TMEM45A: variants seen among roughly 807,000 people sequenced by gnomAD.
The protein encoded by TMEM45A is DNA polymerase-transactivated protein 4.
Under a neutral mutation model 32.0 loss-of-function variants are expected in TMEM45A, and 25 were observed. The observed-to-expected ratio is 0.78, with a 90% confidence interval of 0.57 to 1.09. The LOEUF (loss-of-function observed/expected upper bound fraction) is 1.09. TMEM45A is among the 50% of genes least tolerant of loss of function. The pLI is 0.00. For missense variants in TMEM45A, 302 were observed against 325.0 expected (o/e 0.93, Z 0.54); for synonymous variants, 122 against 114.8 (o/e 1.06, Z -0.40).
At chr3:100,575,118 A>C (rs1706655321) in intron 5 of TMEM45A, among the ~76,000 whole-genome samples, 1 of 152,174 alleles carries the variant, frequency 6.6e-6, no homozygotes, top group Non-Finnish European at 1.5e-5. Flanking sequence ...GATATTGGTG[A>C]TTTGGCTTAT....
chr3:100,564,474 G>T (rs972224304), intron 4 of TMEM45A, among the ~76,000 whole-genome samples: 8 of 142,904 alleles, frequency 5.6e-5, no homozygotes, highest in Middle Eastern at 3.6e-3. Context: ...TATTATTATT[G>T]TTTTTTTTTT....
At chr3:100,503,271 A>C (rs1371242624) in intron 1 of TMEM45A, among the ~76,000 whole-genome samples, 1 of 151,932 alleles carries the variant, frequency 6.6e-6, no homozygotes, top group Admixed American at 6.6e-5. Context: ...ACACCCAGCT[A>C]ATTTTTGTAT....
intron 1 of TMEM45A, among the ~76,000 whole-genome samples, chr3:100,552,686 G>A (rs1354719047): frequency 1.3e-5 from 2 of 152,186 alleles, no homozygotes; most frequent in Admixed American, 6.5e-5. Context: ...GGGGTATTTT[G>A]AGTGTGAGTG....
At chr3:100,568,722 T>G in intron 4 of TMEM45A, 100 bp from the exon 5 acceptor site, 1 of 1,100,636 alleles carries the variant, frequency 9.1e-7, no homozygotes, top group Non-Finnish European at 1.3e-6. Flanking sequence ...ATAATTGGAG[T>G]TAACTTAGTT....
chr3:100,523,712 T>TTTCTCCTCC (rs980374533), intron 1 of TMEM45A, among the ~76,000 whole-genome samples: 2 of 146,578 alleles, frequency 1.4e-5, no homozygotes, highest in African/African-American at 5.2e-5. Flanking sequence ...CTCCTCCTCC[T>TTTCTCCTCC]TTCTCCTCCT....
At chr3:100,566,146 T>C (rs1706431832) in intron 4 of TMEM45A, among the ~76,000 whole-genome samples, 2 of 148,072 alleles carry the variant, frequency 1.4e-5, no homozygotes, top group South Asian at 4.2e-4. Flanking sequence ...ATGAGTATAC[T>C]GCATTTTGCT....
At chr3:100,572,692 T>C (rs1402244412) in intron 5 of TMEM45A, 1 of 152,094 alleles carries the variant, frequency 6.6e-6, no homozygotes, top group Non-Finnish European at 1.5e-5. Context: ...ATGTCCTGAA[T>C]GGTATTGCCT....
At chr3:100,551,407 G>A (rs1397777771) in intron 1 of TMEM45A, among the ~76,000 whole-genome samples, 1 of 152,132 alleles carries the variant, frequency 6.6e-6, no homozygotes, top group Non-Finnish European at 1.5e-5. Context: ...TTTTCCCTGG[G>A]GTTGCTGCTG....
At chr3:100,572,872 G>A (rs1169735755) in intron 5 of TMEM45A, 1 of 148,970 alleles carries the variant, frequency 6.7e-6, no homozygotes, top group East Asian at 2.0e-4. Flanking sequence ...TTTCCCCATT[G>A]CTTGTTTTTC....
At chr3:100,539,388 A>G (rs1481881633) in intron 1 of TMEM45A, among the ~76,000 whole-genome samples, 1 of 148,500 alleles carries the variant, frequency 6.7e-6, no homozygotes, top group East Asian at 1.9e-4. Context: ...GAACAACTGT[A>G]TGCCCACAGT....
rs78927953 is a variant in TMEM45A, at chr3:100,553,773, C to T, written c.-3-1436C>T. 8.5e-4 allele frequency among the ~76,000 whole-genome samples: 129 copies of T among 152,224 alleles called. No individual in the cohort carries two copies. The East Asian group carries it at 0.022, about 26-fold the overall frequency. On this transcript the variant is annotated intron_variant, in intron 1 of 5. Transcript: ENST00000323523. ...ATTACAGGTATAGTTAGGACAAGGACCTGCACATAGCACTATGTGATATAT... is the reference window on the plus strand; with the variant it reads ...ATTACAGGTATAGTTAGGACAAGGATCTGCACATAGCACTATGTGATATAT...
At chr3:100,537,845 TTGAC>T (rs35254398) in intron 1 of TMEM45A, among the ~76,000 whole-genome samples, 31,170 of 152,108 alleles carry the variant, frequency 0.2, 4,012 homozygotes, top group Non-Finnish European at 0.29. Flanking sequence ...TCACTGCATT[TTGAC>T]TGTACATTGT....
chr3:100,538,139 T>C (rs1327664189), intron 1 of TMEM45A, among the ~76,000 whole-genome samples: 1 of 152,224 alleles, frequency 6.6e-6, no homozygotes, highest in Admixed American at 6.5e-5. Context: ...TTTCTGGATG[T>C]CTTCAAATAG....
chr3:100,570,321 C>T (rs914889802), intron 5 of TMEM45A, among the ~76,000 whole-genome samples: 2 of 152,240 alleles, frequency 1.3e-5, no homozygotes, highest in African/African-American at 4.8e-5. Context: ...AGTCACCCCT[C>T]CTGCTCTGTG....
Position 100,517,016 on chromosome 3 carries a change from G to A in TMEM45A, c.-4+24088G>A, listed in dbSNP as rs1317393855. Among the ~76,000 whole-genome samples the A allele has an allele frequency of 2.6e-5, 4 of 152,154 alleles. No individual in the cohort carries two copies. The East Asian group carries it at 7.7e-4, about 29-fold the overall frequency. ...GGAGAACAGCATCTGCTCTCACATT[G>A]AGCCTGGTTAAGCCTTTGAATTTTC... On this transcript the variant is annotated intron_variant, in intron 1 of 5. Coordinates refer to ENST00000323523, the MANE Select transcript of TMEM45A (RefSeq NM_018004.3).
intron 1 of TMEM45A, among the ~76,000 whole-genome samples, chr3:100,542,265 T>C (rs748261472): frequency 2.0e-5 from 3 of 152,220 alleles, no homozygotes; most frequent in African/African-American, 4.8e-5. Context: ...TTTAATGATA[T>C]TGATTCTTCC....
At chr3:100,547,981 A>G (rs1253844274) in intron 1 of TMEM45A, among the ~76,000 whole-genome samples, 1 of 151,956 alleles carries the variant, frequency 6.6e-6, no homozygotes, top group Non-Finnish European at 1.5e-5. Flanking sequence ...GTCATTTTAG[A>G]TGTTTGGTTA....
chr3:100,493,227 A>G (rs1202412639), intron 1 of TMEM45A, among the ~76,000 whole-genome samples: 5 of 147,114 alleles, frequency 3.4e-5, no homozygotes, highest in African/African-American at 1.3e-4. Context: ...GAATCTATTG[A>G]TAAATTTATT....
At chr3:100,511,182 A>G (rs1390285439) in intron 1 of TMEM45A, among the ~76,000 whole-genome samples, 3 of 151,930 alleles carry the variant, frequency 2.0e-5, no homozygotes, top group Non-Finnish European at 2.9e-5. Flanking sequence ...CAGATTCACC[A>G]AAGTTGAAAT....
Sources: allele counts gnomAD v4.1 joint callset (sites outside exome capture counted in the v4.1 genomes callset), GRCh38; gene constraint gnomAD v4.1.1; transcripts MANE v1.5; gene names NCBI Gene and HGNC (gene_info 2026-07-23, HGNC 2026-07-21).